CACNG2: variants seen among roughly 807,000 people sequenced by gnomAD.
The protein encoded by CACNG2 is calcium voltage-gated channel auxiliary subunit gamma 2, also known as voltage-dependent calcium channel gamma-2 subunit.
Under a neutral mutation model 25.9 loss-of-function variants are expected in CACNG2, and 3 were observed. The ratio of observed to expected loss-of-function variants is 0.12; its 90% CI spans 0.05 to 0.30. The LOEUF (loss-of-function observed/expected upper bound fraction) is 0.30. CACNG2 is among the 10% of genes least tolerant of loss of function. The probability of loss-of-function intolerance (pLI) is 1.00; values close to 1 mark genes in which losing one functional copy is unlikely to be tolerated. For missense variants in CACNG2, 341 were observed against 432.5 expected, an observed-to-expected ratio of 0.79 and a Z score of 1.88; for synonymous variants, 167 against 173.3, an observed-to-expected ratio of 0.96 and a Z score of 0.29.
Position 36,590,351 on chromosome 22 carries a change from G to A in CACNG2, c.212-2803C>T, listed in dbSNP as rs1603501015. ...GCTGCCTATTTGACATCTCCTGGTG[G>A]ATGTTTTAAAGGCACTGAACATGAA... On this transcript the variant is annotated intron_variant, in intron 1 of 3. Coordinates refer to ENST00000300105, the MANE Select transcript of CACNG2 (RefSeq NM_006078.5). 3.3e-5 allele frequency among the ~76,000 whole-genome samples: 5 copies of A among 152,278 alleles called. 1 individual carries two copies. Among genetic ancestry groups the A allele is most frequent in the Admixed American group, 3.3e-4 (5 of 15,296 alleles).
intron 1 of CACNG2, among the ~76,000 whole-genome samples, chr22:36,599,538 A>G (rs555552499): frequency 6.6e-6 from 1 of 152,164 alleles, no homozygotes; most frequent in South Asian, 2.1e-4. Context: ...TGTCTCTACA[A>G]AAAAATAAAA....
intron 1 of CACNG2, among the ~76,000 whole-genome samples, chr22:36,699,029 T>G (rs1266378892): frequency 6.6e-6 from 1 of 152,186 alleles, no homozygotes; most frequent in African/African-American, 2.4e-5. Context: ...TTGAACAAGC[T>G]GTTTTCGCAT....
Position 36,657,727 on chromosome 22 carries a change from G to A in CACNG2, c.211+44639C>T, listed in dbSNP as rs368880703. ...ATACAATAAGATTGGCCCGCAAATG[G>A]ACAGTGGCGTAATGAGCAAAAGTGT... is the stretch of plus-strand genomic sequence containing the variant. On this transcript the variant is annotated intron_variant, in intron 1 of 3. Coordinates refer to ENST00000300105, the MANE Select transcript of CACNG2 (RefSeq NM_006078.5). Among the ~76,000 whole-genome samples, 18 of 152,142 alleles carry A rather than the reference G, an allele frequency of 1.2e-4. 1 individual carries two copies. Among genetic ancestry groups the A allele is most frequent in the South Asian group, 6.2e-4 (3 of 4,814 alleles).
chr22:36,698,401 T>G (rs1004945314), intron 1 of CACNG2, among the ~76,000 whole-genome samples: 3 of 152,220 alleles, frequency 2.0e-5, no homozygotes, highest in African/African-American at 7.2e-5. Context: ...CCTTCCAGAT[T>G]CAGCCCACCC....
intron 2 of CACNG2, among the ~76,000 whole-genome samples, chr22:36,586,398 T>C (rs1935502810): frequency 6.6e-6 from 1 of 152,264 alleles, no homozygotes; most frequent in Non-Finnish European, 1.5e-5. Context: ...CAGGGTATGA[T>C]ATTTTTTCCT....
At chr22:36,692,459 G>A (rs1254206228) in intron 1 of CACNG2, among the ~76,000 whole-genome samples, 1 of 152,182 alleles carries the variant, frequency 6.6e-6, no homozygotes, top group African/African-American at 2.4e-5. Flanking sequence ...AGCAGGCAGT[G>A]ACTTATCAGC....
chr22:36,590,622 G>A (rs1935576846), intron 1 of CACNG2, among the ~76,000 whole-genome samples: 3 of 152,106 alleles, frequency 2.0e-5, no homozygotes. Flanking sequence ...TCCCTGGATG[G>A]CTGCCGCGGC....
chr22:36,642,689 C>G (rs528079425), intron 1 of CACNG2, among the ~76,000 whole-genome samples: 1 of 152,306 alleles, frequency 6.6e-6, no homozygotes, highest in African/African-American at 2.4e-5. Context: ...CCTTAGACAA[C>G]AGGGGAAAGA....
chr22:36,702,652 C>CAA lies in CACNG2; in HGVS notation c.-78_-77dup, dbSNP rs200491685. 59 of 1,034,630 alleles carry CAA rather than the reference C, an allele frequency of 5.7e-5. No homozygotes were observed. Among genetic ancestry groups the CAA allele is most frequent in the East Asian group, 3.5e-4 (14 of 40,398 alleles). The allele number at this position is 1,034,630 out of a possible 1,614,324, so 64.1% of individuals were successfully genotyped here. On this transcript the variant is annotated 5_prime_UTR_variant, in exon 1 of 4. Coordinates refer to ENST00000300105, the MANE Select transcript of CACNG2 (RefSeq NM_006078.5). ...TGTGTGAGGGTGCAAGTACTAAAGCCAAAAAAAATAAATAAAAATAAAAAT... is the reference window on the plus strand; with the variant it reads ...TGTGTGAGGGTGCAAGTACTAAAGCCAAAAAAAAAATAAATAAAAATAAAAAT...
intron 1 of CACNG2, among the ~76,000 whole-genome samples, chr22:36,661,966 C>CT (rs71193254): frequency 0.037 from 1,631 of 44,588 alleles, 536 homozygotes; most frequent in East Asian, 0.17. Context: ...CATTGCTATT[C>CT]TTTTTTTTTT....
chr22:36,613,070 C>T (rs1247506091), intron 1 of CACNG2, among the ~76,000 whole-genome samples: 2 of 151,904 alleles, frequency 1.3e-5, no homozygotes, highest in Admixed American at 1.3e-4. Flanking sequence ...CTTTTCTGTG[C>T]CTTTACTATG....
At chr22:36,693,243 T>C (rs1433812531) in intron 1 of CACNG2, among the ~76,000 whole-genome samples, 3 of 152,190 alleles carry the variant, frequency 2.0e-5, no homozygotes, top group African/African-American at 4.8e-5. Context: ...AGACTTTCTG[T>C]AGCCACATAT....
At chr22:36,679,156 TC>T (rs1937054813) in intron 1 of CACNG2, among the ~76,000 whole-genome samples, 1 of 93,376 alleles carries the variant, frequency 1.1e-5, no homozygotes, top group Non-Finnish European at 2.2e-5. Context: ...CTTCCTTCCT[TC>T]CTTCCTTCCT....
intron 2 of CACNG2, among the ~76,000 whole-genome samples, chr22:36,577,428 G>T (rs992796713): frequency 2.2e-4 from 33 of 152,004 alleles, no homozygotes; most frequent in African/African-American, 7.2e-4. Context: ...GAGGCGGGTG[G>T]ATCACGAGGT....
intron 1 of CACNG2, among the ~76,000 whole-genome samples, chr22:36,613,739 C>G (rs1935980036): frequency 6.6e-6 from 1 of 152,086 alleles, no homozygotes. Flanking sequence ...TCTTGGTGCG[C>G]TGGCTGTCCC....
In CACNG2 at chr22:36,616,664, A is replaced by G. The variant is rs75917909; in HGVS notation, c.212-29116T>C. Among the ~76,000 whole-genome samples, 1,351 of 151,908 alleles carry G rather than the reference A, an allele frequency of 8.9e-3. 14 individuals are homozygous for G. Among genetic ancestry groups the G allele is most frequent in the Non-Finnish European group, 0.014 (920 of 67,970 alleles). The stretch of plus-strand genomic sequence containing the variant: ...GGTTGAGATGCATTTCGTTCCCTAT[A>G]CAGACCTGGGTGACCCAACACCATT... On this transcript the variant is annotated intron_variant, in intron 1 of 3. Coordinates refer to ENST00000300105, the MANE Select transcript of CACNG2 (RefSeq NM_006078.5).
At chr22:36,579,501 G>A (rs919593992) in intron 2 of CACNG2, among the ~76,000 whole-genome samples, 2 of 146,148 alleles carry the variant, frequency 1.4e-5, no homozygotes, top group East Asian at 4.2e-4. Flanking sequence ...TACCGGGCCC[G>A]AGCACCTGCC....
intron 1 of CACNG2, among the ~76,000 whole-genome samples, chr22:36,676,979 C>A (rs961918648): frequency 1.1e-5 from 1 of 91,934 alleles, no homozygotes; most frequent in Admixed American, 1.1e-4. Flanking sequence ...TTTTAAAAAT[C>A]TTTTGTCAGC....
At chr22:36,575,074 A>G (rs897155178) in intron 2 of CACNG2, among the ~76,000 whole-genome samples, 1 of 152,236 alleles carries the variant, frequency 6.6e-6, no homozygotes, top group African/African-American at 2.4e-5. Flanking sequence ...TGGGCAAATA[A>G]TAGTGTTCCT....
Sources: allele counts gnomAD v4.1 joint callset (sites outside exome capture counted in the v4.1 genomes callset), GRCh38; gene constraint gnomAD v4.1.1; transcripts MANE v1.5; gene names NCBI Gene and HGNC (gene_info 2026-07-23, HGNC 2026-07-21).